Variants in RNMT observed in about 807,000 individuals in gnomAD.
RNMT encodes mRNA cap guanine-N(7) methyltransferase.
RNMT carries 27 observed loss-of-function variants against 56.0 expected under a neutral mutation model. The observed-to-expected ratio is 0.48, with a 90% confidence interval of 0.36 to 0.67. The LOEUF (loss-of-function observed/expected upper bound fraction) is 0.67. RNMT is among the 30% of genes least tolerant of loss of function. The pLI is 0.00. For missense variants in RNMT, 519 were observed against 552.1 expected, an observed-to-expected ratio of 0.94 and a Z score of 0.60; for synonymous variants, 184 against 176.2, an observed-to-expected ratio of 1.04 and a Z score of -0.35.
At chr18:13,739,944 GA>G (rs1183520920) in intron 5 of RNMT, among the ~76,000 whole-genome samples, 1 of 152,122 alleles carries the variant, frequency 6.6e-6, no homozygotes, top group Admixed American at 6.5e-5. Context: ...AATCATGATA[GA>G]ACTTTTATAG....
At chr18:13,745,058 G>T (rs529448873) in intron 8 of RNMT, among the ~76,000 whole-genome samples, 12 of 152,332 alleles carry the variant, frequency 7.9e-5, no homozygotes, top group African/African-American at 2.9e-4. Context: ...AGGACAGCGT[G>T]TGTGAGGGCC....
Position 13,761,295 on chromosome 18 carries a change from T to C in RNMT, c.*1316T>C, listed in dbSNP as rs987579390. 1.0e-6 allele frequency: 1 copy of C among 985,280 alleles called. No homozygotes were observed. Among genetic ancestry groups the C allele is most frequent in the African/African-American group, 1.7e-5 (1 of 57,202 alleles). The allele number at this position is 985,280 out of a possible 1,614,324, so 61.0% of individuals were successfully genotyped here. ...AAATAAGTCTTTTTGCCTTAAGTCA[T>C]TTTGGAAATAAGTAATACTGCATCT... On this transcript the variant is annotated 3_prime_UTR_variant, in exon 12 of 12. Transcript: ENST00000383314.
At chr18:13,754,390 C>T (rs572429185) in intron 11 of RNMT, among the ~76,000 whole-genome samples, 1 of 152,170 alleles carries the variant, frequency 6.6e-6, no homozygotes, top group East Asian at 1.9e-4. Flanking sequence ...TGCCTGTAGT[C>T]CAGCTACTCA....
rs2044608535 is a variant in RNMT, at chr18:13,760,685, C to T, written c.*706C>T. On this transcript the variant is annotated 3_prime_UTR_variant, in exon 12 of 12. Transcript: ENST00000383314. ...TCCAGTTATCAAGATTGTGATTAGA[C>T]ACATTTACCTTTCTTCATTGAACAA... is the stretch of plus-strand genomic sequence containing the variant. 5 of 985,230 alleles carry T rather than the reference C, an allele frequency of 5.1e-6. No homozygotes were observed. Among genetic ancestry groups the T allele is most frequent in the Non-Finnish European group, 6.0e-6 (5 of 829,720 alleles). 61.0% of individuals were successfully genotyped at this position (985,230 alleles called of 1,614,324 possible).
In RNMT at chr18:13,763,100, G is replaced by A. The variant is rs530329609; in HGVS notation, c.*3121G>A. The A allele has an allele frequency of 2.2e-6, 1 of 456,038 alleles. No individual in the cohort carries two copies. Among genetic ancestry groups the A allele is most frequent in the African/African-American group, 2.0e-5 (1 of 50,178 alleles). The allele number at this position is 456,038 out of a possible 1,614,324, so 28.2% of individuals were successfully genotyped here. A position where few individuals can be genotyped will look rare whatever the true frequency, so the allele number is the denominator to read the frequency against. On this transcript the variant is annotated 3_prime_UTR_variant, in exon 12 of 12. Transcript: ENST00000383314. ...TAGAAGTTGTACCAAAATGCCTGTG[G>A]TACTTGATGGCCTGTTGGTCAAATA... is the stretch of plus-strand genomic sequence containing the variant.
chr18:13,758,622 T>C lies in RNMT; in HGVS notation c.1394-1320T>C, dbSNP rs986455694. On this transcript the variant is annotated intron_variant, in intron 11 of 11. Transcript: ENST00000383314. ...TGGATAAAGGGAATGTTGTGGCTGGTTGATCTTTGCAGACCACTCAGACTT... is the reference window on the plus strand; with the variant it reads ...TGGATAAAGGGAATGTTGTGGCTGGCTGATCTTTGCAGACCACTCAGACTT... Among the ~76,000 whole-genome samples the C allele has an allele frequency of 2.6e-5, 4 of 152,200 alleles. No individual in the cohort carries two copies. In the East Asian group the frequency reaches 7.7e-4, roughly 29 times the overall value.
intron 6 of RNMT, among the ~76,000 whole-genome samples, chr18:13,741,223 T>G (rs530628624): frequency 6.6e-6 from 1 of 152,358 alleles, no homozygotes; most frequent in African/African-American, 2.4e-5. Context: ...TCATTTTATT[T>G]TAGCTGTCAA....
At chr18:13,743,442 C>T (rs2044292480) in intron 8 of RNMT, among the ~76,000 whole-genome samples, 1 of 151,936 alleles carries the variant, frequency 6.6e-6, no homozygotes, top group Non-Finnish European at 1.5e-5. Context: ...TTTGAAATTG[C>T]CTATGTCTCA....
chr18:13,757,204 C>T (rs373042978), intron 11 of RNMT, among the ~76,000 whole-genome samples: 1 of 152,054 alleles, frequency 6.6e-6, no homozygotes, highest in South Asian at 2.1e-4. Flanking sequence ...ATCTTTTCTG[C>T]TTGGTGAAGG....
chr18:13,735,277 A>G (rs2044139930), intron 4 of RNMT, among the ~76,000 whole-genome samples: 1 of 152,198 alleles, frequency 6.6e-6, no homozygotes, highest in African/African-American at 2.4e-5. Context: ...GCTAGAAAGA[A>G]TAAAGTGCTA....
chr18:13,740,343 TA>T, intron 6 of RNMT, 64 bp downstream of exon 6: 4 of 922,012 alleles, frequency 4.3e-6, no homozygotes, highest in Non-Finnish European at 6.7e-6. Context: ...TAATTTGTTT[TA>T]AAAATCAACT....
In RNMT at chr18:13,764,170, CAT is replaced by C. The variant is rs1491209576; in HGVS notation, c.*4192_*4193del. On this transcript the variant is annotated 3_prime_UTR_variant, in exon 12 of 12. Transcript: ENST00000383314. ...AGTGAGAGGCTGAGAGCAAAGGAGA[CAT>C]TTTTTTCAGTTTTGAGTCGAGTATC... 6.6e-6 allele frequency: 1 copy of C among 152,140 alleles called. No homozygotes were observed. Among genetic ancestry groups the C allele is most frequent in the Admixed American group, 6.5e-5 (1 of 15,286 alleles). The allele number at this position is 152,140 out of a possible 1,614,324, so 9.4% of individuals were successfully genotyped here. A position where few individuals can be genotyped will look rare whatever the true frequency, so the allele number is the denominator to read the frequency against.
At chr18:13,747,374 A>G (rs2044369906) in intron 9 of RNMT, among the ~76,000 whole-genome samples, 1 of 151,942 alleles carries the variant, frequency 6.6e-6, no homozygotes, top group East Asian at 1.9e-4. Context: ...GTGTCACCAC[A>G]CCTGTCTCAG....
intron 8 of RNMT, among the ~76,000 whole-genome samples, chr18:13,743,777 A>G (rs1029030210): frequency 6.6e-6 from 1 of 151,698 alleles, no homozygotes; most frequent in Non-Finnish European, 1.5e-5. Context: ...TGCTTATTTT[A>G]ATTGTAACTC....
Position 13,737,014 on chromosome 18 carries a change from ATT to A in RNMT, c.562_563del (p.Leu188GlyfsTer10), listed in dbSNP as rs2044169692. On this transcript the variant is annotated frameshift_variant, in exon 5 of 12. Coordinates refer to ENST00000383314, the MANE Select transcript of RNMT (RefSeq NM_003799.3). LOFTEE classifies it high-confidence loss of function. The part of the protein sequence containing the change: ...NWMKSVLIGE[F>X]LEKVRQKKKR... Reference sequence around the variant, plus strand: ...TGACTGATTTCTCTCTTTTAGGAGAATTTTTGGAAAAGGTACGACAGAAGAAA... The same window carrying A: ...TGACTGATTTCTCTCTTTTAGGAGAATTTGGAAAAGGTACGACAGAAGAAA... 6.2e-7 allele frequency: 1 copy of A among 1,612,342 alleles called. No homozygotes were observed.
rs183911908 is a variant in RNMT, at chr18:13,760,657, G to C, written c.*678G>C. ...AGAAATTGCTACCATAGTAATTAAT[G>C]TTTCCAGTTATCAAGATTGTGATTA... On this transcript the variant is annotated 3_prime_UTR_variant, in exon 12 of 12. Transcript: ENST00000383314. 257 of 985,218 alleles carry C rather than the reference G, an allele frequency of 2.6e-4. No homozygotes were observed. The African/African-American group carries it at 4.2e-3, about 16-fold the overall frequency. 61.0% of individuals were successfully genotyped at this position (985,218 alleles called of 1,614,324 possible). A position where few individuals can be genotyped will look rare whatever the true frequency, so the allele number is the denominator to read the frequency against.
chr18:13,762,415 C>T lies in RNMT; in HGVS notation c.*2436C>T. On this transcript the variant is annotated 3_prime_UTR_variant, in exon 12 of 12. Transcript: ENST00000383314. ...GTATTGCAATTCTGTGAGAGTGACTCTGCAGAGTCACTGCACCATCAGGCT... is the reference window on the plus strand; with the variant it reads ...GTATTGCAATTCTGTGAGAGTGACTTTGCAGAGTCACTGCACCATCAGGCT... 4.7e-6 allele frequency: 2 copies of T among 422,626 alleles called. No individual in the cohort carries two copies. The highest frequency in any genetic ancestry group is 4.3e-6 in the Non-Finnish European group (1 of 233,822). The allele number at this position is 422,626 out of a possible 1,614,324, so 26.2% of individuals were successfully genotyped here. A position where few individuals can be genotyped will look rare whatever the true frequency, so the allele number is the denominator to read the frequency against.
chr18:13,757,618 T>A (rs1452339899), intron 11 of RNMT, among the ~76,000 whole-genome samples: 2 of 152,204 alleles, frequency 1.3e-5, no homozygotes, highest in Non-Finnish European at 2.9e-5. Flanking sequence ...TCTGGTTCTC[T>A]TGTTGTTGCC....
intron 11 of RNMT, among the ~76,000 whole-genome samples, chr18:13,754,826 C>G (rs1016064429): frequency 2.6e-5 from 4 of 152,178 alleles, no homozygotes; most frequent in African/African-American, 9.7e-5. Context: ...ACAGTGAAGG[C>G]ATAATAATAC....
Sources: gnomAD v4.1 joint callset for allele counts (sites outside exome capture counted in the v4.1 genomes callset) on GRCh38, gnomAD v4.1.1 for gene constraint, MANE v1.5 for transcripts, NCBI Gene and HGNC (gene_info 2026-07-23, HGNC 2026-07-21) for gene names.